The following HS6ST3 variants were observed in gnomAD, a reference collection of about 807,000 sequenced individuals.
The protein encoded by HS6ST3 is heparan-sulfate 6-O-sulfotransferase 3.
Under a neutral mutation model 36.7 loss-of-function variants are expected in HS6ST3, and 12 were observed. That is an observed-to-expected ratio of 0.33 (90% confidence interval 0.21 to 0.53). The LOEUF is 0.53. HS6ST3 is among the 20% of genes least tolerant of loss of function. The probability of loss-of-function intolerance (pLI) is 0.95; values close to 1 mark genes in which losing one functional copy is unlikely to be tolerated. For missense variants in HS6ST3, 584 were observed against 640.9 expected (o/e 0.91, Z 0.96); for synonymous variants, 240 against 257.5 (o/e 0.93, Z 0.65).
chr13:96,298,497 A>G (rs762326554), intron 1 of HS6ST3, among the ~76,000 whole-genome samples: 4 of 152,222 alleles, frequency 2.6e-5, no homozygotes, highest in Non-Finnish European at 4.4e-5. Context: ...AACACTACTT[A>G]GATCAGACAC....
At chr13:96,729,884 T>C (rs1042525522) in intron 1 of HS6ST3, among the ~76,000 whole-genome samples, 1 of 152,246 alleles carries the variant, frequency 6.6e-6, no homozygotes, top group African/African-American at 2.4e-5. Context: ...GCTTTCCAGT[T>C]ACCTCTTCAT....
At chr13:96,354,307 T>C (rs1474003297) in intron 1 of HS6ST3, among the ~76,000 whole-genome samples, 1 of 152,154 alleles carries the variant, frequency 6.6e-6, no homozygotes. Flanking sequence ...AACAATAATG[T>C]CAACAAAGGA....
intron 1 of HS6ST3, among the ~76,000 whole-genome samples, chr13:96,135,802 C>A (rs950101998): frequency 6.6e-6 from 1 of 152,154 alleles, no homozygotes; most frequent in African/African-American, 2.4e-5. Context: ...TGAGGACTTA[C>A]AGGGATGGCT....
intron 1 of HS6ST3, among the ~76,000 whole-genome samples, chr13:96,745,853 C>T (rs1876548578): frequency 6.6e-6 from 1 of 152,022 alleles, no homozygotes; most frequent in Admixed American, 6.6e-5. Flanking sequence ...CTCTTGAACC[C>T]GCTTCTATCT....
At chr13:96,179,933 G>A (rs142020495) in intron 1 of HS6ST3, among the ~76,000 whole-genome samples, 5,163 of 152,164 alleles carry the variant, frequency 0.034, 127 homozygotes, top group East Asian at 0.096. Context: ...AGGTTCAAGC[G>A]ATTTTCCTGC....
intron 1 of HS6ST3, among the ~76,000 whole-genome samples, chr13:96,187,436 T>C (rs1346694499): frequency 6.6e-6 from 1 of 152,170 alleles, no homozygotes; most frequent in Non-Finnish European, 1.5e-5. Flanking sequence ...GATGAGGATA[T>C]TGAGACTTAG....
intron 1 of HS6ST3, among the ~76,000 whole-genome samples, chr13:96,483,696 G>A (rs1379939361): frequency 6.6e-6 from 1 of 152,112 alleles, no homozygotes; most frequent in Non-Finnish European, 1.5e-5. Context: ...TTACTTAAGA[G>A]ATGAGCATCT....
intron 1 of HS6ST3, among the ~76,000 whole-genome samples, chr13:96,436,460 A>G (rs766511128): frequency 2.6e-5 from 4 of 152,212 alleles, no homozygotes; most frequent in Admixed American, 6.5e-5. Context: ...TAAAAACCAA[A>G]CACACCGATG....
chr13:96,834,418 C>G lies in HS6ST3; in HGVS notation c.*1220C>G, dbSNP rs1216612296. On this transcript the variant is annotated 3_prime_UTR_variant, in exon 2 of 2. Coordinates refer to ENST00000376705, the MANE Select transcript of HS6ST3 (RefSeq NM_153456.4). Reference sequence around the variant, plus strand: ...TACATGATCTTTACCTGTTGTTAGACTGTGGCCACAGCCAGTAAATCAGGC... The same window carrying G: ...TACATGATCTTTACCTGTTGTTAGAGTGTGGCCACAGCCAGTAAATCAGGC... 6.6e-6 allele frequency: 1 copy of G among 152,216 alleles called. No homozygotes were observed. The highest frequency in any genetic ancestry group is 6.5e-5 in the Admixed American group (1 of 15,274). The allele number at this position is 152,216 out of a possible 1,614,324, so 9.4% of individuals were successfully genotyped here. A position where few individuals can be genotyped will look rare whatever the true frequency, so the allele number is the denominator to read the frequency against.
intron 1 of HS6ST3, among the ~76,000 whole-genome samples, chr13:96,639,687 C>T (rs1219538520): frequency 6.6e-6 from 1 of 151,816 alleles, no homozygotes. Context: ...CTTTATCAAC[C>T]CTTCCTCCCC....
chr13:96,335,060 G>T (rs1307140549), intron 1 of HS6ST3, among the ~76,000 whole-genome samples: 3 of 152,112 alleles, frequency 2.0e-5, no homozygotes, highest in East Asian at 3.9e-4. Context: ...GGGCTGGTGG[G>T]CATCTTGACC....
rs372331540 is a variant in HS6ST3 at position 96,352,672 on chromosome 13, C to T, written c.707+261103C>T. ...AGGTCATTAGTGACCATCTTGGAGGCTGCTACCATAGAAGGTTTAAAAATT... is the reference window on the plus strand; with the variant it reads ...AGGTCATTAGTGACCATCTTGGAGGTTGCTACCATAGAAGGTTTAAAAATT... On this transcript the variant is annotated intron_variant, in intron 1 of 1. Transcript: ENST00000376705. 1.7e-4 allele frequency among the ~76,000 whole-genome samples: 26 copies of T among 152,264 alleles called. No homozygotes were observed. In the East Asian group the frequency reaches 4.8e-3, roughly 28 times the overall value.
At chr13:96,376,876 G>A (rs889734841) in intron 1 of HS6ST3, among the ~76,000 whole-genome samples, 1 of 151,938 alleles carries the variant, frequency 6.6e-6, no homozygotes, top group African/African-American at 2.4e-5. Context: ...AGCACTTTGG[G>A]AGGCTGATGC....
intron 1 of HS6ST3, among the ~76,000 whole-genome samples, chr13:96,730,900 T>A (rs530209419): frequency 6.6e-6 from 1 of 152,164 alleles, no homozygotes; most frequent in South Asian, 2.1e-4. Flanking sequence ...CTCAGAGAAT[T>A]TTTTAAATTT....
chr13:96,518,129 A>C (rs2056080004), intron 1 of HS6ST3, among the ~76,000 whole-genome samples: 1 of 152,182 alleles, frequency 6.6e-6, no homozygotes, highest in Non-Finnish European at 1.5e-5. Flanking sequence ...CACCTTTCTT[A>C]AAGGCACTCT....
intron 1 of HS6ST3, among the ~76,000 whole-genome samples, chr13:96,669,278 C>A (rs1028847172): frequency 3.3e-5 from 5 of 152,114 alleles, no homozygotes; most frequent in Non-Finnish European, 7.3e-5. Context: ...CACTGTGTTG[C>A]CAGAGAGTGG....
chr13:96,725,715 T>C (rs576779282), intron 1 of HS6ST3, among the ~76,000 whole-genome samples: 1 of 152,280 alleles, frequency 6.6e-6, no homozygotes, highest in East Asian at 1.9e-4. Context: ...TATCTATCTA[T>C]TGAGAAAAGA....
At chr13:96,668,727 GT>G (rs1391216710) in intron 1 of HS6ST3, among the ~76,000 whole-genome samples, 10 of 34,622 alleles carry the variant, frequency 2.9e-4, no homozygotes, top group African/African-American at 4.8e-4. Context: ...TTTTTTTTTT[GT>G]ATCAGGTACA....
chr13:96,344,683 C>G (rs76013234), intron 1 of HS6ST3, among the ~76,000 whole-genome samples: 3,789 of 152,234 alleles, frequency 0.025, 159 homozygotes, highest in African/African-American at 0.088. Context: ...TACAAAGAAG[C>G]GTTTGGTTTG....
Sources: allele counts gnomAD v4.1 joint callset (sites outside exome capture counted in the v4.1 genomes callset), GRCh38; gene constraint gnomAD v4.1.1; transcripts MANE v1.5; gene names NCBI Gene and HGNC (gene_info 2026-07-23, HGNC 2026-07-21).